Variants in NIT1 observed in about 807,000 individuals in gnomAD.
NIT1 encodes nitrilase 1.
A neutral mutation model predicts 36.8 loss-of-function variants in NIT1; 30 were observed. That is an observed-to-expected ratio of 0.82 (90% CI 0.61 to 1.11). NIT1 has a LOEUF of 1.11. NIT1 is among the 50% of genes least tolerant of loss of function. The pLI is 0.00. For missense variants in NIT1, 438 were observed against 410.6 expected, an observed-to-expected ratio of 1.07 and a Z score of -0.58; for synonymous variants, 151 against 155.6, an observed-to-expected ratio of 0.97 and a Z score of 0.22.
At chr1:161,122,273 G>A, downstream of NIT1, 1 of 1,614,244 alleles carries the variant, frequency 6.2e-7, no homozygotes, top group Non-Finnish European at 8.5e-7. This position sits in a 1 kb window ranked among gnomAD's most constrained non-coding sequence, Gnocchi z 4.2. Flanking sequence ...GGGAGTCTGT[G>A]ATGAAGACAC....
chr1:161,119,065 G>A (rs773621520), intron 2 of NIT1, 69 bp from the exon 3 acceptor site: 6 of 1,575,704 alleles, frequency 3.8e-6, no homozygotes, highest in Non-Finnish European at 5.2e-6. Flanking sequence ...CTCTCCACTT[G>A]CACCCCTTAG....
chr1:161,118,429 G>C (rs1333144057), intron 1 of NIT1: 2 of 1,535,364 alleles, frequency 1.3e-6, no homozygotes, highest in Admixed American at 2.0e-5. Flanking sequence ...AATATGCTTC[G>C]AGTCAGTAAA....
downstream of NIT1, among the ~76,000 whole-genome samples, chr1:161,122,829 C>T (rs1001895572): frequency 1.3e-5 from 2 of 152,168 alleles, no homozygotes; most frequent in Non-Finnish European, 2.9e-5. This position sits in a 1 kb window ranked among gnomAD's most constrained non-coding sequence, Gnocchi z 4.2. Context: ...CGACTTGGCT[C>T]ATCCTACAAT....
downstream of NIT1, chr1:161,125,104 CTAGTT>C (rs147601118): frequency 0.014 from 2,058 of 152,194 alleles, 13 homozygotes; most frequent in Non-Finnish European, 0.021. Flanking sequence ...AAAAAAAGAA[CTAGTT>C]TAAATTCTGA....
chr1:161,118,454 C>T, intron 1 of NIT1: 1 of 1,536,068 alleles, frequency 6.5e-7, no homozygotes, highest in Non-Finnish European at 8.7e-7. Flanking sequence ...CGCAAGTGCA[C>T]AGTCAAGGAG....
chr1:161,120,480 A>C lies in NIT1; in HGVS notation c.718-19A>C, dbSNP rs771848505. ...CTATTTGCTACATGTACTTAAGTGA[A>C]CACACATCTCATGCCCAGGTGTTGC... On this transcript the variant is annotated intron_variant, in intron 6 of 6. Transcript: ENST00000368009. 9 of 1,611,364 alleles carry C rather than the reference A, an allele frequency of 5.6e-6. No individual in the cohort carries two copies. In the Admixed American group the frequency reaches 1.2e-4, roughly 21 times the overall value.
chr1:161,118,669 A>G, intron 1 of NIT1, 117 bp from the exon 2 acceptor site: 1 of 1,484,044 alleles, frequency 6.7e-7, no homozygotes, highest in African/African-American at 1.4e-5. Context: ...TTTGAAGACT[A>G]GGTTTTTACT....
downstream of NIT1, chr1:161,123,763 G>A (rs1655833072): frequency 7.5e-7 from 1 of 1,330,534 alleles, no homozygotes; most frequent in Non-Finnish European, 1.0e-6. Flanking sequence ...ATTTAAGCTG[G>A]CAAAGCCCAG....
downstream of NIT1, chr1:161,123,719 TA>T (rs1655825091): frequency 5.8e-6 from 5 of 857,650 alleles, no homozygotes; most frequent in Non-Finnish European, 1.8e-6. Context: ...TTTTTTTTTT[TA>T]TGGGGCAAGA....
At chr1:161,119,025 C>T in intron 2 of NIT1, 109 bp from the exon 3 acceptor site, 1 of 1,445,966 alleles carries the variant, frequency 6.9e-7, no homozygotes, top group Non-Finnish European at 9.7e-7. Flanking sequence ...CCTGTAAGAG[C>T]ATGATCAAAA....
chr1:161,119,272 C>T lies in NIT1; in HGVS notation c.237C>T (p.Ala79=), dbSNP rs779020743. 1.2e-6 allele frequency: 2 copies of T among 1,614,184 alleles called. No individual in the cohort carries two copies. Among genetic ancestry groups the T allele is most frequent in the East Asian group, 4.5e-5 (2 of 44,886 alleles). ...TTCGAGAGGCTGCCAGACTGGGTGC[C>T]TGCCTGGCTTTCCTGCCTGAGGCAT... is the stretch of plus-strand genomic sequence containing the variant. The part of the protein sequence containing the change: ...ELVREAARLG[A]CLAFLPEAFD... The change falls in exon 3 of 7, where the codon GCC becomes GCT. Residue 79 remains alanine (A), a synonymous_variant. Coordinates refer to ENST00000368009, the MANE Select transcript of NIT1 (RefSeq NM_005600.3).
chr1:161,124,914 A>G, downstream of NIT1: 2 of 160,426 alleles, frequency 1.2e-5, no homozygotes, highest in Non-Finnish European at 2.7e-5. Flanking sequence ...TGGTCAACAT[A>G]GCAAGACCCC....
At chr1:161,123,162 G>T, downstream of NIT1, 1 of 1,614,160 alleles carries the variant, frequency 6.2e-7, no homozygotes, top group Non-Finnish European at 8.5e-7. Flanking sequence ...CGGGCTGGCC[G>T]CTTGCTACAC....
chr1:161,118,142 G>C lies in NIT1; in HGVS notation c.-35G>C. The C allele has an allele frequency of 6.2e-7, 1 of 1,613,940 alleles. No individual in the cohort carries two copies. Among genetic ancestry groups the C allele is most frequent in the Non-Finnish European group, 8.5e-7 (1 of 1,179,920 alleles). ...GCTTCTGGCTCCAGACCGCCCTCCG[G>C]ATCGGACCCTGCGAATGGTTTTGGC... On this transcript the variant is annotated 5_prime_UTR_variant, in exon 1 of 7. Coordinates refer to ENST00000368009, the MANE Select transcript of NIT1 (RefSeq NM_005600.3).
chr1:161,118,356 C>A, intron 1 of NIT1, 178 bp downstream of exon 1: 1 of 1,519,888 alleles, frequency 6.6e-7, no homozygotes, highest in Non-Finnish European at 8.8e-7. Context: ...CCCTTGCCCA[C>A]CAGGGAGGGG....
rs2101720310 is a variant in NIT1 at position 161,119,534 on chromosome 1, G to A, written c.379G>A (p.Gly127Ser). Residue 127 changes from glycine to serine, a missense_variant, in exon 4 of 7, where the codon GGT becomes AGT. Physicochemically the swap from Gly to Ser is moderately conservative, Grantham distance 56. Coordinates refer to ENST00000368009, the MANE Select transcript of NIT1 (RefSeq NM_005600.3). Reference sequence around the variant, plus strand: ...GGAATGTGGACTCTGGCTGTCCTTGGGTGGTTTCCATGAGCGTGGCCAAGA... The same window carrying A: ...GGAATGTGGACTCTGGCTGTCCTTGAGTGGTTTCCATGAGCGTGGCCAAGA... ...ARECGLWLSLGGFHERGQDWE... is the reference protein window; with the variant it reads ...ARECGLWLSLSGFHERGQDWE... 6.2e-7 allele frequency: 1 copy of A among 1,614,128 alleles called. No homozygotes were observed. The highest frequency in any genetic ancestry group is 8.5e-7 in the Non-Finnish European group (1 of 1,180,022).
downstream of NIT1, chr1:161,122,915 AGAGCAGT>A: frequency 7.5e-7 from 1 of 1,339,836 alleles, no homozygotes; most frequent in Non-Finnish European, 1.1e-6. This position sits in a 1 kb window ranked among gnomAD's most constrained non-coding sequence, Gnocchi z 4.2. Flanking sequence ...ACAATCATAA[AGAGCAGT>A]TCTTCCACCA....
In NIT1 at chr1:161,119,960, T is replaced by TTGTG; in HGVS notation, c.591+9_591+12dup. The TTGTG allele has an allele frequency of 6.2e-7, 1 of 1,605,722 alleles. No homozygotes were observed. The highest frequency in any genetic ancestry group is 8.5e-7 in the Non-Finnish European group (1 of 1,176,066). On this transcript the variant is annotated intron_variant, in intron 5 of 6. Coordinates refer to ENST00000368009, the MANE Select transcript of NIT1 (RefSeq NM_005600.3). ...AGCACACCAGCAGGCAAGGTAGGAG[T>TTGTG]TGTGAAAGGATGAGGGAGGGGAACA...
chr1:161,118,520 C>A (rs777711028), intron 1 of NIT1: 2 of 1,536,094 alleles, frequency 1.3e-6, no homozygotes, highest in African/African-American at 1.4e-5. Flanking sequence ...ACTGCGGAAA[C>A]GTTTGTCAGA....
Sources: gnomAD v4.1 joint callset for allele counts (sites outside exome capture counted in the v4.1 genomes callset) on GRCh38, gnomAD v4.1.1 for gene constraint, Gnocchi (gnomAD v3.1) non-coding constraint, MANE v1.5 for transcripts, NCBI Gene and HGNC (gene_info 2026-07-23, HGNC 2026-07-21) for gene names.